SLC25A48: variants seen among roughly 807,000 people sequenced by gnomAD.
The protein encoded by SLC25A48 is CTC-321K16.1.
SLC25A48 carries 29 observed loss-of-function variants against 32.2 expected under a neutral mutation model. The ratio of observed to expected loss-of-function variants is 0.90; its 90% CI spans 0.67 to 1.23. The LOEUF is 1.23. Ranked by LOEUF, SLC25A48 falls within the 50% of genes most tolerant of loss-of-function variation. The pLI is 0.00. For synonymous variants in SLC25A48, 164 were observed against 172.3 expected, an observed-to-expected ratio of 0.95 and a Z score of 0.38; for missense variants, 399 against 422.7, an observed-to-expected ratio of 0.94 and a Z score of 0.49.
At chr5:135,822,403 G>A (rs1235870363) in intron 4 of SLC25A48, among the ~76,000 whole-genome samples, 3 of 152,192 alleles carry the variant, frequency 2.0e-5, no homozygotes, top group Non-Finnish European at 2.9e-5. Flanking sequence ...AACTCAAGGT[G>A]TCGGCAGAGT....
chr5:135,694,465 CT>C, intron 3 of SLC25A48, among the ~76,000 whole-genome samples: 1 of 152,214 alleles, frequency 6.6e-6, no homozygotes, highest in Non-Finnish European at 1.5e-5. Context: ...CCAGAAGCGG[CT>C]GCAAACAATA....
chr5:135,714,922 G>T (rs2126977605), intron 3 of SLC25A48: 1 of 152,612 alleles, frequency 6.6e-6, no homozygotes, highest in South Asian at 2.1e-4. Context: ...TCAGGCCTGG[G>T]GTCTGTGGGC....
chr5:135,609,194 T>A (rs1320644589), intron 1 of SLC25A48: 2 of 152,242 alleles, frequency 1.3e-5, no homozygotes, highest in Admixed American at 6.5e-5. Flanking sequence ...ACCCCAGTGA[T>A]CTCATACCAC....
intron 3 of SLC25A48, among the ~76,000 whole-genome samples, chr5:135,778,072 G>A (rs1756614404): frequency 1.3e-5 from 2 of 151,326 alleles, no homozygotes; most frequent in African/African-American, 4.9e-5. Context: ...CACCACCCCT[G>A]TGATATTATT....
intron 3 of SLC25A48, among the ~76,000 whole-genome samples, chr5:135,851,329 C>T (rs932448749): frequency 1.3e-5 from 2 of 152,206 alleles, no homozygotes; most frequent in South Asian, 4.1e-4. Context: ...GCGAGCGCTG[C>T]AAGCCCAGCA....
chr5:135,626,958 A>C (rs1429101366), intron 1 of SLC25A48, among the ~76,000 whole-genome samples: 3 of 152,190 alleles, frequency 2.0e-5, no homozygotes, highest in Non-Finnish European at 4.4e-5. Context: ...GCCTTCTTGC[A>C]ACAGACCCAT....
chr5:135,589,500 ATAT>A (rs1751457850), intron 1 of SLC25A48, among the ~76,000 whole-genome samples: 1 of 152,196 alleles, frequency 6.6e-6, no homozygotes, highest in Non-Finnish European at 1.5e-5. Context: ...AGGCCCTGAA[ATAT>A]CAGCTTGTCA....
chr5:135,852,031 G>GACTGCCTTTGTTGTA (rs1759914577), intron 3 of SLC25A48, among the ~76,000 whole-genome samples: 1 of 152,184 alleles, frequency 6.6e-6, no homozygotes, highest in South Asian at 2.1e-4. Context: ...AGGCTTAGTA[G>GACTGCCTTTGTTGTA]ACTGCCTTTG....
intron 2 of SLC25A48, among the ~76,000 whole-genome samples, chr5:135,844,734 T>C (rs1294004168): frequency 6.6e-6 from 1 of 152,210 alleles, no homozygotes; most frequent in Non-Finnish European, 1.5e-5. Flanking sequence ...TCCAGCAAGA[T>C]TTTAACCAAA....
intron 3 of SLC25A48, among the ~76,000 whole-genome samples, chr5:135,643,325 A>G (rs541397908): frequency 4.6e-5 from 7 of 152,226 alleles, no homozygotes; most frequent in African/African-American, 1.7e-4. Flanking sequence ...TGAACACACA[A>G]GACTCTGTGA....
At chr5:135,726,311 C>A (rs1755087587) in intron 3 of SLC25A48, among the ~76,000 whole-genome samples, 2 of 152,186 alleles carry the variant, frequency 1.3e-5, no homozygotes, top group South Asian at 4.1e-4. Context: ...AATCTACGTA[C>A]CCTTTACCCA....
At chr5:135,770,544 G>T (rs1034660228) in intron 3 of SLC25A48, among the ~76,000 whole-genome samples, 1 of 151,642 alleles carries the variant, frequency 6.6e-6, no homozygotes, top group East Asian at 1.9e-4. Context: ...TCCAGGTGGG[G>T]AGAGAATGAT....
At chr5:135,704,847 C>T (rs1254158389) in intron 3 of SLC25A48, among the ~76,000 whole-genome samples, 1 of 152,202 alleles carries the variant, frequency 6.6e-6, no homozygotes, top group South Asian at 2.1e-4. Context: ...GACGCTTCTA[C>T]AAATGTCTAG....
At chr5:135,778,746 C>T (rs144848247) in intron 3 of SLC25A48, among the ~76,000 whole-genome samples, 1 of 77,614 alleles carries the variant, frequency 1.3e-5, no homozygotes, top group Non-Finnish European at 2.7e-5. Context: ...ACTCCCAATA[C>T]TGCAGGGGAT....
chr5:135,786,901 C>T (rs1420702041), intron 3 of SLC25A48, among the ~76,000 whole-genome samples: 2 of 151,932 alleles, frequency 1.3e-5, no homozygotes, highest in Non-Finnish European at 2.9e-5. Flanking sequence ...AGTAGGTGTA[C>T]ACCATGTGTG....
intron 6 of SLC25A48, 102 bp from the exon 7 acceptor site, chr5:135,879,866 G>A (rs1762333722): frequency 8.2e-6 from 12 of 1,454,866 alleles, no homozygotes; most frequent in Admixed American, 6.6e-5. Context: ...GTGGGGGACC[G>A]GGCCTGGGTA....
intron 3 of SLC25A48, among the ~76,000 whole-genome samples, chr5:135,721,330 T>C (rs757220464): frequency 6.6e-6 from 1 of 151,104 alleles, no homozygotes; most frequent in African/African-American, 2.4e-5. Context: ...GCCTCCCAAG[T>C]AGCTGAGATT....
intron 4 of SLC25A48, among the ~76,000 whole-genome samples, chr5:135,870,600 A>T (rs6889141): frequency 0.07 from 10,632 of 152,180 alleles, 414 homozygotes; most frequent in Non-Finnish European, 0.084. Context: ...GCTGCCCTAC[A>T]ACTGTTTAGG....
At chr5:135,810,019 G>A (rs1390534429) in intron 3 of SLC25A48, among the ~76,000 whole-genome samples, 1 of 152,156 alleles carries the variant, frequency 6.6e-6, no homozygotes, top group Non-Finnish European at 1.5e-5. Context: ...AAAATTTTGT[G>A]TAGAGATGGG....
Sources: allele counts gnomAD v4.1 joint callset (sites outside exome capture counted in the v4.1 genomes callset), GRCh38; gene constraint gnomAD v4.1.1; transcripts MANE v1.5; gene names NCBI Gene and HGNC (gene_info 2026-07-23, HGNC 2026-07-21).